SMOC1: variants seen among roughly 807,000 people sequenced by gnomAD.
SMOC1 encodes the protein SPARC-related modular calcium-binding protein 1.
A neutral mutation model predicts 56.3 loss-of-function variants in SMOC1; 22 were observed. That is an observed-to-expected ratio of 0.39 (90% CI 0.28 to 0.56). SMOC1 has a LOEUF of 0.56. Among genes scored for constraint, SMOC1 ranks in the 20% least tolerant of loss-of-function variants. SMOC1 has a pLI of 0.61. For synonymous variants in SMOC1, 193 were observed against 215.0 expected (o/e 0.90, Z 0.89); for missense variants, 509 against 565.4 (o/e 0.90, Z 1.01).
intron 1 of SMOC1, among the ~76,000 whole-genome samples, chr14:69,893,200 G>A (rs902815290): frequency 2.6e-5 from 4 of 152,344 alleles, no homozygotes; most frequent in Admixed American, 6.5e-5. Context: ...TTTCATGGGA[G>A]TTGGTGTGTG....
chr14:69,975,946 C>T, intron 4 of SMOC1, 132 bp downstream of exon 4: 1 of 701,710 alleles, frequency 1.4e-6, no homozygotes, highest in Non-Finnish European at 2.6e-6. Flanking sequence ...AGGGAGGATT[C>T]TACTCTAACA....
In SMOC1 at chr14:69,953,440, C is replaced by G; in HGVS notation, c.286C>G (p.Arg96Gly). 1 of 1,614,204 alleles carries G rather than the reference C, an allele frequency of 6.2e-7. No homozygotes were observed. The highest frequency in any genetic ancestry group is 8.5e-7 in the Non-Finnish European group (1 of 1,180,010). Reference protein sequence around the residue: ...RCKDAGQSKCRLERAQALEQA... With the variant: ...RCKDAGQSKCGLERAQALEQA... ...TTCAGATGCTGGCCAGAGCAAGTGT[C>G]GCCTGGAGCGGGCTCAAGCCCTGGA... Residue 96 changes from arginine to glycine, a missense_variant, in exon 3 of 12, where the codon CGC becomes GGC. Arg to Gly is a moderately radical substitution (Grantham distance 125, BLOSUM62 -2). Around this residue, in one of 3 missense-constraint regions of SMOC1, gnomAD observed 315 missense variants for 333.1 expected, o/e 0.95. Transcript: ENST00000361956.
chr14:69,902,888 G>C (rs1372188967), intron 1 of SMOC1, among the ~76,000 whole-genome samples: 1 of 152,194 alleles, frequency 6.6e-6, no homozygotes, highest in Non-Finnish European at 1.5e-5. Flanking sequence ...CCAAGGTGCC[G>C]GGATTGCAGA....
At chr14:69,951,508 A>G (rs1025892660) in intron 1 of SMOC1, among the ~76,000 whole-genome samples, 1 of 152,350 alleles carries the variant, frequency 6.6e-6, no homozygotes, top group Admixed American at 6.5e-5. Flanking sequence ...AAAAATCAGG[A>G]AATCTGTTTC....
intron 1 of SMOC1, among the ~76,000 whole-genome samples, chr14:69,923,728 G>A (rs778714822): frequency 3.2e-4 from 49 of 152,152 alleles, no homozygotes; most frequent in South Asian, 4.1e-4. Context: ...GTCTCAGTTG[G>A]GTTTTCTAGC....
chr14:69,979,007 G>A (rs928474534), intron 5 of SMOC1, among the ~76,000 whole-genome samples: 1 of 151,852 alleles, frequency 6.6e-6, no homozygotes, highest in Non-Finnish European at 1.5e-5. Flanking sequence ...CATCTCGTGT[G>A]CAGCCTCTCC....
chr14:69,967,007 C>T (rs1369719358), intron 3 of SMOC1, among the ~76,000 whole-genome samples: 5 of 152,172 alleles, frequency 3.3e-5, no homozygotes, highest in Non-Finnish European at 7.3e-5. Context: ...TTCCTTATAG[C>T]ATCCTTCCTC....
At chr14:69,980,626 G>A (rs572263822) in intron 5 of SMOC1, among the ~76,000 whole-genome samples, 11 of 152,272 alleles carry the variant, frequency 7.2e-5, no homozygotes, top group Non-Finnish European at 1.3e-4. Context: ...ATCCTGTGTC[G>A]ACTAGCCAAG....
chr14:69,970,685 G>A (rs1016001451), intron 3 of SMOC1, among the ~76,000 whole-genome samples: 13 of 152,058 alleles, frequency 8.5e-5, no homozygotes, highest in Non-Finnish European at 1.8e-4. Context: ...TTCATCTGTC[G>A]GCCCCATTTC....
At chr14:69,941,917 T>C (rs972608970) in intron 1 of SMOC1, among the ~76,000 whole-genome samples, 2 of 152,216 alleles carry the variant, frequency 1.3e-5, no homozygotes, top group Non-Finnish European at 2.9e-5. Flanking sequence ...TTACCTCTCC[T>C]TCTAGCCCTA....
intron 1 of SMOC1, among the ~76,000 whole-genome samples, chr14:69,909,193 A>G (rs1451657835): frequency 6.6e-6 from 1 of 152,124 alleles, no homozygotes; most frequent in Non-Finnish European, 1.5e-5. Context: ...CTGAAAAATT[A>G]TCTATTGGTG....
chr14:69,994,533 C>T (rs551928318), intron 7 of SMOC1, 53 bp downstream of exon 7: 288 of 1,447,962 alleles, frequency 2.0e-4, no homozygotes, highest in Admixed American at 7.2e-4. Context: ...TTCCTTGCCC[C>T]GTGGTTCTGT....
chr14:69,959,297 C>T (rs1883290661), intron 3 of SMOC1, among the ~76,000 whole-genome samples: 1 of 152,182 alleles, frequency 6.6e-6, no homozygotes, highest in Non-Finnish European at 1.5e-5. Flanking sequence ...TCCAGCAGCT[C>T]TCTATTGTGT....
chr14:69,936,269 A>T (rs990997884), intron 1 of SMOC1, among the ~76,000 whole-genome samples: 4 of 152,208 alleles, frequency 2.6e-5, no homozygotes, highest in African/African-American at 9.6e-5. Flanking sequence ...ATTAGAGTTC[A>T]TCCCAACTGG....
intron 7 of SMOC1, among the ~76,000 whole-genome samples, chr14:69,995,177 T>A (rs1023905903): frequency 6.6e-6 from 1 of 152,234 alleles, no homozygotes; most frequent in Admixed American, 6.5e-5. Context: ...GGTTGTTGAA[T>A]TTAGCCCTAT....
chr14:69,950,886 G>A (rs1372543047), intron 1 of SMOC1, among the ~76,000 whole-genome samples: 2 of 152,194 alleles, frequency 1.3e-5, no homozygotes, highest in African/African-American at 2.4e-5. Flanking sequence ...AAAACTTAAC[G>A]GCTTAAAACA....
At chr14:69,886,825 T>C (rs570686099) in intron 1 of SMOC1, among the ~76,000 whole-genome samples, 1 of 152,304 alleles carries the variant, frequency 6.6e-6, no homozygotes, top group South Asian at 2.1e-4. Context: ...AAGGACCAGA[T>C]TTAAACATTT....
At chr14:69,983,502 G>A (rs1380434) in intron 5 of SMOC1, among the ~76,000 whole-genome samples, 41,771 of 152,152 alleles carry the variant, frequency 0.27, 6,486 homozygotes, top group African/African-American at 0.4. Context: ...CAGCGGAGCA[G>A]CAGGCTTCTG....
In SMOC1 at chr14:70,017,163, C is replaced by G. The variant is rs530219161; in HGVS notation, c.1046+3672C>G. ...ATCCCTGTCTCGATAAGACCTCTTT[C>G]TGGCACACATCAGAGGGTCAACCAA... On this transcript the variant is annotated intron_variant, in intron 10 of 11. Transcript: ENST00000361956. Among the ~76,000 whole-genome samples the G allele has an allele frequency of 2.4e-4, 36 of 152,316 alleles. No homozygotes were observed. The South Asian group carries it at 7.0e-3, about 30-fold the overall frequency.
Sources: gnomAD v4.1 joint callset for allele counts (sites outside exome capture counted in the v4.1 genomes callset) on GRCh38, gnomAD v4.1.1 for gene constraint, gnomAD v4.1.1 regional missense constraint, MANE v1.5 for transcripts, NCBI Gene and HGNC (gene_info 2026-07-23, HGNC 2026-07-21) for gene names.